The following TMEM132D variants were observed in gnomAD, a reference collection of about 807,000 sequenced individuals.
TMEM132D encodes the protein mature OL transmembrane protein.
A neutral mutation model predicts 62.3 loss-of-function variants in TMEM132D; 21 were observed. The ratio of observed to expected loss-of-function variants is 0.34; its 90% CI spans 0.24 to 0.49. The LOEUF (loss-of-function observed/expected upper bound fraction) is 0.49. TMEM132D is among the 20% of genes least tolerant of loss of function. The pLI, the probability that TMEM132D is intolerant of heterozygous loss-of-function variation, is 0.99. For missense variants in TMEM132D, 1,346 were observed against 1,402.8 expected (o/e 0.96, Z 0.65); for synonymous variants, 621 against 575.6 (o/e 1.08, Z -1.13).
At chr12:129,163,810 C>G (rs564997962) in intron 5 of TMEM132D, among the ~76,000 whole-genome samples, 1 of 152,362 alleles carries the variant, frequency 6.6e-6, no homozygotes, top group South Asian at 2.1e-4. Context: ...AGGTTCCTGT[C>G]AGTCCAGACT....
At chr12:129,396,252 G>T (rs1396533404) in intron 3 of TMEM132D, among the ~76,000 whole-genome samples, 3 of 151,990 alleles carry the variant, frequency 2.0e-5, no homozygotes, top group Admixed American at 2.0e-4. Context: ...TGGAACAGCG[G>T]GTAGAGGCAT....
intron 1 of TMEM132D, among the ~76,000 whole-genome samples, chr12:129,843,625 A>G (rs1202573945): frequency 6.6e-6 from 1 of 152,250 alleles, no homozygotes; most frequent in Non-Finnish European, 1.5e-5. Flanking sequence ...ACAGGGACAC[A>G]GGCAGGAAGG....
intron 3 of TMEM132D, among the ~76,000 whole-genome samples, chr12:129,384,623 G>T (rs1029905244): frequency 3.3e-5 from 5 of 151,882 alleles, no homozygotes; most frequent in Non-Finnish European, 5.9e-5. Flanking sequence ...TTCTTCCCAA[G>T]CTAAGCCCCT....
intron 3 of TMEM132D, among the ~76,000 whole-genome samples, chr12:129,487,780 C>CA (rs966249477): frequency 6.6e-6 from 1 of 151,000 alleles, no homozygotes; most frequent in African/African-American, 2.4e-5. Context: ...ACTAAATATA[C>CA]AAAAAAATTA....
intron 5 of TMEM132D, among the ~76,000 whole-genome samples, chr12:129,181,526 C>A (rs1025324612): frequency 2.0e-5 from 3 of 152,154 alleles, no homozygotes; most frequent in Non-Finnish European, 4.4e-5. Context: ...AGGATAAAAT[C>A]CCAACCTTGG....
At chr12:129,162,491 G>A (rs1877427192) in intron 5 of TMEM132D, among the ~76,000 whole-genome samples, 1 of 152,222 alleles carries the variant, frequency 6.6e-6, no homozygotes. Flanking sequence ...TAGCACCAGT[G>A]ATGAGTGATG....
intron 4 of TMEM132D, among the ~76,000 whole-genome samples, chr12:129,233,148 GTTTA>G (rs1250502650): frequency 1.3e-5 from 2 of 152,050 alleles, no homozygotes; most frequent in African/African-American, 4.8e-5. Context: ...TATTTATTTT[GTTTA>G]TTTATGATTA....
chr12:129,254,331 T>C (rs1047309169), intron 4 of TMEM132D, among the ~76,000 whole-genome samples: 12 of 152,210 alleles, frequency 7.9e-5, no homozygotes, highest in African/African-American at 2.9e-4. Flanking sequence ...TGCCCAAATA[T>C]GTGCAACTAT....
intron 2 of TMEM132D, among the ~76,000 whole-genome samples, chr12:129,538,743 A>C (rs965339054): frequency 6.6e-6 from 1 of 152,228 alleles, no homozygotes; most frequent in Non-Finnish European, 1.5e-5. Context: ...TGACGATGAG[A>C]GGTAATAAAA....
Position 129,374,203 on chromosome 12 carries a change from T to C in TMEM132D, c.1116-36386A>G, listed in dbSNP as rs576349020. On this transcript the variant is annotated intron_variant, in intron 3 of 8. Coordinates refer to ENST00000422113, the MANE Select transcript of TMEM132D (RefSeq NM_133448.3). ...AAGGTCTGAGATCAGGGTGCTAGCA[T>C]GGTCAGGTGAGGATTAGGGCTCTCC... Among the ~76,000 whole-genome samples, 3 of 151,580 alleles carry C rather than the reference T, an allele frequency of 2.0e-5. No individual in the cohort carries two copies. The South Asian group carries it at 6.3e-4, about 32-fold the overall frequency.
At chr12:129,259,700 G>A (rs887601489) in intron 4 of TMEM132D, among the ~76,000 whole-genome samples, 1 of 152,184 alleles carries the variant, frequency 6.6e-6, no homozygotes, top group Non-Finnish European at 1.5e-5. Context: ...GACTAAATTG[G>A]CAGCTGTGAA....
chr12:129,165,561 C>T (rs1877519040), intron 5 of TMEM132D, among the ~76,000 whole-genome samples: 1 of 152,110 alleles, frequency 6.6e-6, no homozygotes, highest in South Asian at 2.1e-4. Flanking sequence ...AAAACTTGAG[C>T]CTGTCTCTAC....
At chr12:129,137,287 CATCACT>C (rs1424907622) in intron 5 of TMEM132D, among the ~76,000 whole-genome samples, 4 of 152,012 alleles carry the variant, frequency 2.6e-5, no homozygotes, top group African/African-American at 2.4e-5. Context: ...TCACTACCAT[CATCACT>C]ATCACTATCA....
intron 4 of TMEM132D, among the ~76,000 whole-genome samples, chr12:129,307,630 C>G (rs1881875894): frequency 1.3e-5 from 2 of 152,104 alleles, no homozygotes; most frequent in Admixed American, 1.3e-4. Context: ...CTTCCTCAGA[C>G]ATTCTCTTCT....
chr12:129,224,293 A>G (rs1385814593), intron 4 of TMEM132D, among the ~76,000 whole-genome samples: 1 of 152,180 alleles, frequency 6.6e-6, no homozygotes, highest in African/African-American at 2.4e-5. Context: ...GGATCCTCCC[A>G]TCAGAATATT....
At chr12:129,229,584 G>A (rs891473018) in intron 4 of TMEM132D, among the ~76,000 whole-genome samples, 1 of 152,176 alleles carries the variant, frequency 6.6e-6, no homozygotes, top group Non-Finnish European at 1.5e-5. Context: ...AGAATTTTCT[G>A]TAGGCTGGGA....
intron 1 of TMEM132D, among the ~76,000 whole-genome samples, chr12:129,710,318 CAG>C: frequency 6.6e-6 from 1 of 151,582 alleles, no homozygotes; most frequent in South Asian, 2.1e-4. Context: ...ATTTTTGAGA[CAG>C]AGTCTCACTG....
Position 129,267,424 on chromosome 12 carries a change from C to T in TMEM132D, c.1300-57761G>A, listed in dbSNP as rs548541378. 2.6e-5 allele frequency among the ~76,000 whole-genome samples: 4 copies of T among 152,238 alleles called. No homozygotes were observed. In the East Asian group the frequency reaches 7.7e-4, roughly 29 times the overall value. ...CAGAGAGCCAAATCATGAATGAACT[C>T]CCATTCACAATTGCTTCAAAGAGAA... On this transcript the variant is annotated intron_variant, in intron 4 of 8. Coordinates refer to ENST00000422113, the MANE Select transcript of TMEM132D (RefSeq NM_133448.3).
intron 3 of TMEM132D, among the ~76,000 whole-genome samples, chr12:129,359,454 TCA>T (rs1870178277): frequency 6.6e-6 from 1 of 152,232 alleles, no homozygotes; most frequent in African/African-American, 2.4e-5. Context: ...GTTGTGTCTT[TCA>T]CAGTCAGCAA....
Sources: allele counts gnomAD v4.1 joint callset (sites outside exome capture counted in the v4.1 genomes callset), GRCh38; gene constraint gnomAD v4.1.1; transcripts MANE v1.5; gene names NCBI Gene and HGNC (gene_info 2026-07-23, HGNC 2026-07-21).